The following SLC10A7 variants were observed in gnomAD, a reference collection of about 807,000 sequenced individuals.
SLC10A7 encodes solute carrier family 10 member 7, also known as sodium/bile acid cotransporter 7.
A neutral mutation model predicts 43.2 loss-of-function variants in SLC10A7; 29 were observed. That is an observed-to-expected ratio of 0.67 (90% CI 0.50 to 0.92). SLC10A7 has a LOEUF of 0.92. Among genes scored for constraint, SLC10A7 ranks in the 40% least tolerant of loss-of-function variants. The pLI, the probability that SLC10A7 is intolerant of heterozygous loss-of-function variation, is 0.00. For synonymous variants in SLC10A7, 152 were observed against 144.8 expected, an observed-to-expected ratio of 1.05 and a Z score of -0.35; for missense variants, 295 against 403.2, an observed-to-expected ratio of 0.73 and a Z score of 2.30.
intron 5 of SLC10A7, among the ~76,000 whole-genome samples, chr4:146,412,632 A>C (rs536040417): frequency 1.8e-4 from 27 of 152,118 alleles, no homozygotes; most frequent in African/African-American, 6.5e-4. Context: ...GGATTAATAC[A>C]TTTTTAAGGA....
intron 5 of SLC10A7, among the ~76,000 whole-genome samples, chr4:146,384,193 C>G (rs190297931): frequency 1.3e-5 from 2 of 152,144 alleles, no homozygotes; most frequent in East Asian, 3.9e-4. Context: ...TTATTTCATG[C>G]TCAAAACTGC....
intron 5 of SLC10A7, among the ~76,000 whole-genome samples, chr4:146,368,373 G>A (rs983563320): frequency 6.6e-6 from 1 of 152,164 alleles, no homozygotes; most frequent in Admixed American, 6.6e-5. Context: ...GAGTTTGAAA[G>A]CTTAACAGTA....
rs532109296 is a variant in SLC10A7, at chr4:146,486,666, C to G, written c.396+17183G>C. 1.1e-4 allele frequency among the ~76,000 whole-genome samples: 17 copies of G among 152,220 alleles called. No individual in the cohort carries two copies. The South Asian group carries it at 3.1e-3, about 28-fold the overall frequency. On this transcript the variant is annotated intron_variant, in intron 4 of 11. Transcript: ENST00000335472. Reference sequence around the variant, plus strand: ...CCTGGTAGTATTTGGGTTCATGGTACCAAAACAAATTCAGGACAGAAGTTC... The same window carrying G: ...CCTGGTAGTATTTGGGTTCATGGTAGCAAAACAAATTCAGGACAGAAGTTC...
At chr4:146,348,554 T>A (rs1734790277) in intron 5 of SLC10A7, among the ~76,000 whole-genome samples, 1 of 152,190 alleles carries the variant, frequency 6.6e-6, no homozygotes, top group African/African-American at 2.4e-5. Flanking sequence ...TAAAATGACT[T>A]TATTACCTTT....
chr4:146,408,073 A>G (rs1445478011), intron 5 of SLC10A7, among the ~76,000 whole-genome samples: 1 of 152,208 alleles, frequency 6.6e-6, no homozygotes, highest in East Asian at 1.9e-4. Context: ...CCAATGCAAC[A>G]TTAGGGAAAG....
At chr4:146,360,981 T>C (rs535729448) in intron 5 of SLC10A7, among the ~76,000 whole-genome samples, 10 of 152,112 alleles carry the variant, frequency 6.6e-5, no homozygotes, top group Non-Finnish European at 1.5e-4. Context: ...TTCCCTCTAC[T>C]AGGAACATGT....
At chr4:146,468,372 G>C (rs1270818027) in intron 4 of SLC10A7, among the ~76,000 whole-genome samples, 1 of 152,016 alleles carries the variant, frequency 6.6e-6, no homozygotes, top group African/African-American at 2.4e-5. Context: ...TGAAAACATA[G>C]AGACAAATAA....
intron 4 of SLC10A7, among the ~76,000 whole-genome samples, chr4:146,450,978 C>A (rs1253268484): frequency 2.0e-5 from 3 of 148,182 alleles, no homozygotes; most frequent in African/African-American, 2.5e-5. Context: ...ATAAAAGCAG[C>A]GAGGAAAAGG....
chr4:146,368,691 A>G (rs369241450), intron 5 of SLC10A7, among the ~76,000 whole-genome samples: 1 of 152,176 alleles, frequency 6.6e-6, no homozygotes, highest in East Asian at 1.9e-4. Flanking sequence ...TTTGAGTAAC[A>G]TATTTTTATC....
At chr4:146,278,369 G>T (rs1729340143) in intron 10 of SLC10A7, among the ~76,000 whole-genome samples, 1 of 152,054 alleles carries the variant, frequency 6.6e-6, no homozygotes, top group Non-Finnish European at 1.5e-5. Flanking sequence ...AATAATACCA[G>T]AAATGCAAAC....
At chr4:146,394,148 C>T (rs914646471) in intron 5 of SLC10A7, among the ~76,000 whole-genome samples, 3 of 152,142 alleles carry the variant, frequency 2.0e-5, no homozygotes, top group South Asian at 2.1e-4. Context: ...CCAATATCAC[C>T]GACTCTGGGG....
intron 4 of SLC10A7, among the ~76,000 whole-genome samples, chr4:146,495,379 C>A (rs1397728828): frequency 6.6e-6 from 1 of 152,192 alleles, no homozygotes; most frequent in Non-Finnish European, 1.5e-5. Context: ...TAGATCTACT[C>A]TAACTGCCTT....
chr4:146,349,713 A>G (rs537407458), intron 5 of SLC10A7, among the ~76,000 whole-genome samples: 142 of 152,298 alleles, frequency 9.3e-4, no homozygotes, highest in African/African-American at 3.1e-3. Context: ...TTGCAGCAAC[A>G]TGGATGCAGC....
chr4:146,492,578 C>G (rs1466464864), intron 4 of SLC10A7, among the ~76,000 whole-genome samples: 1 of 152,100 alleles, frequency 6.6e-6, no homozygotes, highest in Non-Finnish European at 1.5e-5. Flanking sequence ...TGCCATGTCA[C>G]CCAGGCAGGT....
At position 146,254,610 on chromosome 4, in the gene SLC10A7, T is replaced by C. The variant is rs1429916105; in HGVS notation, c.*1881A>G. ...TTTTCAGTTGAATTTTATCCCATGA[T>C]CACACCTACTATAGGTGTTAGACAA... On this transcript the variant is annotated 3_prime_UTR_variant, in exon 12 of 12. Transcript: ENST00000335472. The C allele has an allele frequency of 6.6e-6, 1 of 152,212 alleles. No individual in the cohort carries two copies. The highest frequency in any genetic ancestry group is 1.5e-5 in the Non-Finnish European group (1 of 68,026). The allele number at this position is 152,212 out of a possible 1,614,324, so 9.4% of individuals were successfully genotyped here.
intron 4 of SLC10A7, among the ~76,000 whole-genome samples, chr4:146,472,436 GTTTT>G (rs5862760): frequency 7.8e-6 from 1 of 128,938 alleles, no homozygotes; most frequent in African/African-American, 2.9e-5. Flanking sequence ...GGCTTATTCT[GTTTT>G]TTTTTTTTTT....
At chr4:146,433,331 T>G (rs529511025) in intron 5 of SLC10A7, among the ~76,000 whole-genome samples, 35 of 151,588 alleles carry the variant, frequency 2.3e-4, no homozygotes, top group Non-Finnish European at 1.0e-4. Context: ...CCGGTACATA[T>G]TCTCTGGCTC....
intron 6 of SLC10A7, among the ~76,000 whole-genome samples, chr4:146,322,625 TAGACA>T (rs1732801816): frequency 6.6e-6 from 1 of 152,176 alleles, no homozygotes; most frequent in African/African-American, 2.4e-5. Context: ...CTATCATTGA[TAGACA>T]TTTGGGTTGG....
intron 10 of SLC10A7, among the ~76,000 whole-genome samples, chr4:146,266,164 T>C (rs186207745): frequency 6.6e-5 from 10 of 152,358 alleles, no homozygotes; most frequent in Admixed American, 6.5e-4. Context: ...CACTTTTGTT[T>C]AGTTTGCTCT....
Sources: gnomAD v4.1 joint callset for allele counts (sites outside exome capture counted in the v4.1 genomes callset) on GRCh38, gnomAD v4.1.1 for gene constraint, MANE v1.5 for transcripts, NCBI Gene and HGNC (gene_info 2026-07-23, HGNC 2026-07-21) for gene names.